CMC2: variants seen among roughly 807,000 people sequenced by gnomAD.
CMC2 encodes the protein C-X9-C motif containing 2, also known as COX assembly mitochondrial protein 2 homolog.
CMC2 carries 5 observed loss-of-function variants against 7.5 expected under a neutral mutation model. The observed-to-expected ratio is 0.66, with a 90% CI of 0.35 to 1.40. The LOEUF (loss-of-function observed/expected upper bound fraction) is 1.40, where lower values mean the gene tolerates loss of function less well. Ranked by LOEUF, CMC2 falls within the 40% of genes most tolerant of loss-of-function variation. The pLI is 0.04. For synonymous variants in CMC2, 37 were observed against 31.4 expected (o/e 1.18, Z -0.60); for missense variants, 115 against 92.3 (o/e 1.25, Z -1.01).
chr16:80,986,400 A>C (rs1210217976), intron 2 of CMC2, among the ~76,000 whole-genome samples: 1 of 152,022 alleles, frequency 6.6e-6, no homozygotes, highest in Non-Finnish European at 1.5e-5. Flanking sequence ...AGCTACAGTG[A>C]GCTGAGATTG....
At chr16:80,988,969 C>T (rs1323483824) in intron 2 of CMC2, among the ~76,000 whole-genome samples, 1 of 152,118 alleles carries the variant, frequency 6.6e-6, no homozygotes. Context: ...CTTCACAACT[C>T]GATTCAGGTC....
chr16:80,968,438 A>C lies in CMC2; in HGVS notation c.*7655T>G, dbSNP rs957969041. ...GCTGCTGGCCCACGGACCACAGTCT[A>C]ATGGCCCAAATGCAGATGAAGATGA... On this transcript the variant is annotated 3_prime_UTR_variant, in exon 4 of 4. Transcript: ENST00000219400. The C allele has an allele frequency of 2.6e-5, 4 of 152,196 alleles. No individual in the cohort carries two copies. Among genetic ancestry groups the C allele is most frequent in the African/African-American group, 7.2e-5 (3 of 41,438 alleles). 9.4% of individuals were successfully genotyped at this position (152,196 alleles called of 1,614,324 possible).
At chr16:80,977,430 G>C (rs1912535250) in intron 3 of CMC2, among the ~76,000 whole-genome samples, 1 of 152,070 alleles carries the variant, frequency 6.6e-6, no homozygotes, top group Non-Finnish European at 1.5e-5. Flanking sequence ...GTTTTCCCCT[G>C]GGCAGAAGGG....
intron 1 of CMC2, among the ~76,000 whole-genome samples, chr16:81,006,022 A>G (rs2602421): frequency 0.95 from 145,320 of 152,272 alleles, 69,691 homozygotes; most frequent in Non-Finnish European, 1. Flanking sequence ...CATACATATA[A>G]AGGAGAGGAG....
At position 80,968,262 on chromosome 16, in the gene CMC2, G is replaced by T. The variant is rs1294776085; in HGVS notation, c.*7831C>A. 1.3e-5 allele frequency: 2 copies of T among 152,086 alleles called. No individual in the cohort carries two copies. The highest frequency in any genetic ancestry group is 2.9e-5 in the Non-Finnish European group (2 of 68,048). 9.4% of individuals were successfully genotyped at this position (152,086 alleles called of 1,614,324 possible). On this transcript the variant is annotated 3_prime_UTR_variant, in exon 4 of 4. Coordinates refer to ENST00000219400, the MANE Select transcript of CMC2 (RefSeq NM_020188.5). ...TTATTTTTATTTTTGTAGAGACAGG[G>T]TCTTACTATGTTGCCCAAGCTGGTC...
intron 2 of CMC2, among the ~76,000 whole-genome samples, chr16:80,989,967 G>C (rs2549841): frequency 6.6e-6 from 1 of 151,984 alleles, no homozygotes; most frequent in Non-Finnish European, 1.5e-5. Context: ...TTTAGCCTAC[G>C]TTCAAATTAC....
intron 3 of CMC2, chr16:80,980,914 C>T (rs1239115285): frequency 2.9e-6 from 2 of 687,640 alleles, no homozygotes; most frequent in South Asian, 3.1e-5. Flanking sequence ...AAGAAACAAA[C>T]TATTACTCTT....
At chr16:80,989,931 A>G (rs1212771557) in intron 2 of CMC2, among the ~76,000 whole-genome samples, 8 of 152,186 alleles carry the variant, frequency 5.3e-5, no homozygotes, top group African/African-American at 1.9e-4. Context: ...CAAAATCCAT[A>G]CTACTAACAA....
chr16:80,988,913 C>T (rs1442404537), intron 2 of CMC2, among the ~76,000 whole-genome samples: 2 of 151,952 alleles, frequency 1.3e-5, no homozygotes, highest in African/African-American at 4.8e-5. Flanking sequence ...GAGTACAGGC[C>T]AGTTATTTTG....
chr16:81,005,859 G>C (rs1053834553), intron 1 of CMC2, among the ~76,000 whole-genome samples: 7 of 152,216 alleles, frequency 4.6e-5, no homozygotes, highest in Non-Finnish European at 1.0e-4. Context: ...GGAACGCACA[G>C]GCTCGTGAGG....
rs1269368284 is a variant in CMC2, at chr16:80,967,754, G to C, written c.*8339C>G. The C allele has an allele frequency of 6.6e-6, 1 of 152,162 alleles. No homozygotes were observed. The highest frequency in any genetic ancestry group is 2.4e-5 in the African/African-American group (1 of 41,430). The allele number at this position is 152,162 out of a possible 1,614,324, so 9.4% of individuals were successfully genotyped here. On this transcript the variant is annotated 3_prime_UTR_variant, in exon 4 of 4. Transcript: ENST00000219400. The stretch of plus-strand genomic sequence containing the variant: ...CAAATACTCCAGTGAAAAATAGCCA[G>C]GTCTAAATTTCTGTATGCAGAATTG...
In CMC2 at chr16:80,971,556, CATACATTTTAT is replaced by C. The variant is rs1284195998; in HGVS notation, c.*4526_*4536del. On this transcript the variant is annotated 3_prime_UTR_variant, in exon 4 of 4. Coordinates refer to ENST00000219400, the MANE Select transcript of CMC2 (RefSeq NM_020188.5). ...AAATATGGCTATGGATACTGACATA[CATACATTTTAT>C]ATATATATATATATATATGTATGAA... 1.6e-4 allele frequency: 16 copies of C among 101,962 alleles called. No individual in the cohort carries two copies. The East Asian group carries it at 2.0e-3, about 13-fold the overall frequency. The allele number at this position is 101,962 out of a possible 1,614,324, so 6.3% of individuals were successfully genotyped here. A position where few individuals can be genotyped will look rare whatever the true frequency, so the allele number is the denominator to read the frequency against.
At chr16:80,990,390 A>G (rs1408723550) in intron 2 of CMC2, among the ~76,000 whole-genome samples, 2 of 152,084 alleles carry the variant, frequency 1.3e-5, no homozygotes, top group African/African-American at 2.4e-5. Context: ...GGCTGGTCTC[A>G]AACTCCTGGA....
intron 2 of CMC2, among the ~76,000 whole-genome samples, chr16:80,995,125 G>A (rs913130197): frequency 3.3e-5 from 5 of 152,134 alleles, no homozygotes; most frequent in Admixed American, 6.5e-5. Flanking sequence ...CAGCCTGGGT[G>A]ACAGAGCGAG....
At chr16:81,000,461 A>G (rs1196950082) in intron 1 of CMC2, among the ~76,000 whole-genome samples, 7 of 152,112 alleles carry the variant, frequency 4.6e-5, no homozygotes, top group African/African-American at 1.7e-4. Context: ...GCGCCACTGC[A>G]CTCCAGCCTA....
At chr16:81,002,076 T>C (rs1170766210) in intron 1 of CMC2, among the ~76,000 whole-genome samples, 6 of 152,182 alleles carry the variant, frequency 3.9e-5, no homozygotes, top group Admixed American at 3.9e-4. Context: ...TGCACCTACA[T>C]TTATGTGAAG....
In CMC2 at chr16:80,971,689, G is replaced by T. The variant is rs1163685757; in HGVS notation, c.*4404C>A. On this transcript the variant is annotated 3_prime_UTR_variant, in exon 4 of 4. Transcript: ENST00000219400. ...CACCAATAAAGAAATAAGTGGAACGGGCTTGGGGTGACAAACACAGGAGGC... is the reference window on the plus strand; with the variant it reads ...CACCAATAAAGAAATAAGTGGAACGTGCTTGGGGTGACAAACACAGGAGGC... 6.6e-6 allele frequency: 1 copy of T among 150,616 alleles called. No homozygotes were observed. The highest frequency in any genetic ancestry group is 2.5e-5 in the African/African-American group (1 of 40,614). The allele number at this position is 150,616 out of a possible 1,614,324, so 9.3% of individuals were successfully genotyped here. A position where few individuals can be genotyped will look rare whatever the true frequency, so the allele number is the denominator to read the frequency against.
rs905573738 is a variant in CMC2, at chr16:80,969,274, C to T, written c.*6819G>A. On this transcript the variant is annotated 3_prime_UTR_variant, in exon 4 of 4. Coordinates refer to ENST00000219400, the MANE Select transcript of CMC2 (RefSeq NM_020188.5). ...CAGAGCATCAAGAGCCAGAGGAGTCCTGGGAGGTCTCAGCATCGATGTGGA... is the reference window on the plus strand; with the variant it reads ...CAGAGCATCAAGAGCCAGAGGAGTCTTGGGAGGTCTCAGCATCGATGTGGA... The T allele has an allele frequency of 1.3e-5, 2 of 152,246 alleles. No homozygotes were observed. Among genetic ancestry groups the T allele is most frequent in the African/African-American group, 4.8e-5 (2 of 41,420 alleles). 9.4% of individuals were successfully genotyped at this position (152,246 alleles called of 1,614,324 possible).
rs1458361711 is a variant in CMC2, at chr16:80,975,120, AACAC to A, written c.*969_*972del. On this transcript the variant is annotated 3_prime_UTR_variant, in exon 4 of 4. Transcript: ENST00000219400. ...GGTCTCAGAAACACTTGGCAGAAGG[AACAC>A]TGGTGAAATGACTGCTAGAATTGGG... is the stretch of plus-strand genomic sequence containing the variant. 6.6e-6 allele frequency: 1 copy of A among 152,350 alleles called. No individual in the cohort carries two copies. The highest frequency in any genetic ancestry group is 1.5e-5 in the Non-Finnish European group (1 of 68,128). The allele number at this position is 152,350 out of a possible 1,614,324, so 9.4% of individuals were successfully genotyped here.
Sources: allele counts gnomAD v4.1 joint callset (sites outside exome capture counted in the v4.1 genomes callset), GRCh38; gene constraint gnomAD v4.1.1; transcripts MANE v1.5; gene names NCBI Gene and HGNC (gene_info 2026-07-23, HGNC 2026-07-21).